GRIK4: variants seen among roughly 807,000 people sequenced by gnomAD.
GRIK4 encodes glutamate receptor ionotropic, kainate 4.
GRIK4 carries 40 observed loss-of-function variants against 104.9 expected under a neutral mutation model. That is an observed-to-expected ratio of 0.38 (90% CI 0.30 to 0.50). The LOEUF is 0.50. Among genes scored for constraint, GRIK4 ranks in the 20% least tolerant of loss-of-function variants. The probability of loss-of-function intolerance (pLI) is 0.93; values close to 1 mark genes in which losing one functional copy is unlikely to be tolerated. For missense variants in GRIK4, 1,047 were observed against 1,308.1 expected, an observed-to-expected ratio of 0.80 and a Z score of 3.08; for synonymous variants, 485 against 524.9, an observed-to-expected ratio of 0.92 and a Z score of 1.04.
chr11:120,520,657 G>T (rs1301737088), intron 1 of GRIK4, among the ~76,000 whole-genome samples: 1 of 152,224 alleles, frequency 6.6e-6, no homozygotes, highest in Non-Finnish European at 1.5e-5. Flanking sequence ...TCCTCCAAGG[G>T]CCTGGCTGGC....
intron 11 of GRIK4, 103 bp from the exon 12 acceptor site, chr11:120,898,429 C>T: frequency 1.4e-6 from 1 of 703,720 alleles, no homozygotes; most frequent in Non-Finnish European, 2.6e-6. Context: ...CACACCCCTC[C>T]CTGCTCACAT....
intron 3 of GRIK4, among the ~76,000 whole-genome samples, chr11:120,774,119 G>A (rs907981374): frequency 6.6e-6 from 1 of 152,204 alleles, no homozygotes; most frequent in African/African-American, 2.4e-5. Flanking sequence ...GCTGATCACA[G>A]CACCATCTAA....
At chr11:120,703,802 A>G (rs1362529508) in intron 3 of GRIK4, among the ~76,000 whole-genome samples, 1 of 152,170 alleles carries the variant, frequency 6.6e-6, no homozygotes, top group African/African-American at 2.4e-5. Flanking sequence ...GAATCTCTTT[A>G]TAAACTCCTG....
intron 1 of GRIK4, among the ~76,000 whole-genome samples, chr11:120,578,605 G>A (rs1948519912): frequency 6.6e-6 from 1 of 152,210 alleles, no homozygotes; most frequent in African/African-American, 2.4e-5. Context: ...CGGATGCTTA[G>A]TACAGTGCCA....
At chr11:120,591,072 G>A (rs1372927475) in intron 1 of GRIK4, among the ~76,000 whole-genome samples, 6 of 152,084 alleles carry the variant, frequency 3.9e-5, no homozygotes, top group Non-Finnish European at 7.4e-5. Flanking sequence ...CACTGGAAGC[G>A]TAAATGGAGG....
At chr11:120,614,587 G>A (rs1207235362) in intron 1 of GRIK4, among the ~76,000 whole-genome samples, 1 of 152,208 alleles carries the variant, frequency 6.6e-6, no homozygotes, top group East Asian at 1.9e-4. Context: ...CCATTGCAGT[G>A]AAGACATCTC....
intron 1 of GRIK4, among the ~76,000 whole-genome samples, chr11:120,589,020 G>A (rs1948704015): frequency 6.6e-6 from 1 of 152,208 alleles, no homozygotes; most frequent in Non-Finnish European, 1.5e-5. Context: ...AGCAGATGGT[G>A]CAGAGAGGCT....
intron 1 of GRIK4, among the ~76,000 whole-genome samples, chr11:120,634,097 C>T (rs1949366331): frequency 6.6e-6 from 1 of 152,286 alleles, no homozygotes; most frequent in African/African-American, 2.4e-5. Context: ...AAATGGGGCT[C>T]TTTAGACCTG....
chr11:120,526,022 G>C (rs964391839), intron 1 of GRIK4, among the ~76,000 whole-genome samples: 2 of 152,170 alleles, frequency 1.3e-5, no homozygotes, highest in Non-Finnish European at 2.9e-5. Flanking sequence ...CGTACTGTGT[G>C]ATTTTATTTA....
intron 15 of GRIK4, among the ~76,000 whole-genome samples, chr11:120,955,348 G>A (rs1053060409): frequency 1.3e-5 from 2 of 152,244 alleles, no homozygotes; most frequent in African/African-American, 4.8e-5. Flanking sequence ...TTGTACTCAG[G>A]AAGGAGAGGC....
chr11:120,714,159 G>A (rs1004340036), intron 3 of GRIK4, among the ~76,000 whole-genome samples: 9 of 152,366 alleles, frequency 5.9e-5, no homozygotes, highest in African/African-American at 2.2e-4. Context: ...CCATGTGGAT[G>A]CAAAAGTGTA....
At chr11:120,686,178 T>C (rs1355051153) in intron 3 of GRIK4, among the ~76,000 whole-genome samples, 1 of 152,158 alleles carries the variant, frequency 6.6e-6, no homozygotes, top group African/African-American at 2.4e-5. Flanking sequence ...AAAAGCATGA[T>C]ACATCCATCA....
chr11:120,798,535 G>C (rs968359040), intron 3 of GRIK4, among the ~76,000 whole-genome samples: 1 of 152,054 alleles, frequency 6.6e-6, no homozygotes, highest in African/African-American at 2.4e-5. Flanking sequence ...GGAATGCGGT[G>C]GCATGATCCT....
chr11:120,624,493 T>A (rs1182863152), intron 1 of GRIK4, among the ~76,000 whole-genome samples: 1 of 152,070 alleles, frequency 6.6e-6, no homozygotes, highest in Non-Finnish European at 1.5e-5. Flanking sequence ...TCTGAGTAGC[T>A]GTAGGTGCTC....
intron 1 of GRIK4, among the ~76,000 whole-genome samples, chr11:120,579,971 T>C (rs1482962265): frequency 6.6e-6 from 1 of 152,042 alleles, no homozygotes; most frequent in African/African-American, 2.4e-5. Flanking sequence ...TAGAATCACA[T>C]AGTATATAGC....
At chr11:120,523,517 C>CTCTCGCTGCT (rs1159153739) in intron 1 of GRIK4, among the ~76,000 whole-genome samples, 8 of 152,162 alleles carry the variant, frequency 5.3e-5, no homozygotes, top group Non-Finnish European at 1.2e-4. Context: ...GCTGCTACTT[C>CTCTCGCTGCT]TCTCGCTGCT....
intron 13 of GRIK4, among the ~76,000 whole-genome samples, chr11:120,914,378 A>T (rs1177641756): frequency 6.6e-6 from 1 of 152,220 alleles, no homozygotes; most frequent in African/African-American, 2.4e-5. Flanking sequence ...CAATAACTGA[A>T]TGTGGCAGGT....
At chr11:120,759,735 C>A (rs1331893370) in intron 3 of GRIK4, among the ~76,000 whole-genome samples, 5 of 152,018 alleles carry the variant, frequency 3.3e-5, no homozygotes, top group African/African-American at 1.2e-4. Context: ...TTAGACCCAG[C>A]GATTGGCAGA....
At position 120,684,631 on chromosome 11, in the gene GRIK4, A is replaced by C. The variant is rs74410466; in HGVS notation, c.82+24231A>C. Among the ~76,000 whole-genome samples the C allele has an allele frequency of 3.1e-3, 470 of 152,222 alleles. 1 individual carries two copies. Among genetic ancestry groups the C allele is most frequent in the African/African-American group, 9.7e-3 (403 of 41,548 alleles). On this transcript the variant is annotated intron_variant, in intron 3 of 20. Transcript: ENST00000527524. ...AAAGAGCCTAGGTGCAGGAGAATTC[A>C]CCCTTTCTTTACCAGAGTAGTCAAG...
Sources: gnomAD v4.1 joint callset for allele counts (sites outside exome capture counted in the v4.1 genomes callset) on GRCh38, gnomAD v4.1.1 for gene constraint, MANE v1.5 for transcripts, NCBI Gene and HGNC (gene_info 2026-07-23, HGNC 2026-07-21) for gene names.